Variants in HTR1F observed in about 807,000 individuals in gnomAD.
HTR1F encodes the protein 5-hydroxytryptamine receptor 1F.
A neutral mutation model predicts 24.0 loss-of-function variants in HTR1F; 17 were observed. The ratio of observed to expected loss-of-function variants is 0.71; its 90% CI spans 0.48 to 1.06. The LOEUF is 1.06. Among genes scored for constraint, HTR1F ranks in the 50% least tolerant of loss-of-function variants. HTR1F has a pLI of 0.00. For missense variants in HTR1F, 391 were observed against 427.8 expected (o/e 0.91, Z 0.76); for synonymous variants, 186 against 156.8 (o/e 1.19, Z -1.39).
chr3:87,910,769 A>C (rs1559627867), intron 2 of HTR1F, among the ~76,000 whole-genome samples: 1 of 152,032 alleles, frequency 6.6e-6, no homozygotes, highest in Non-Finnish European at 1.5e-5. Context: ...CATGCTAAAC[A>C]TACTCTTGGA....
At position 87,992,739 on chromosome 3, in the gene HTR1F, TAA is replaced by T. The variant is rs1233406341; in HGVS notation, c.*890_*891del. On this transcript the variant is annotated 3_prime_UTR_variant, in exon 3 of 3. Transcript: ENST00000319595. Reference sequence around the variant, plus strand: ...ATAAAATGTATTTCATTTCTGTTAATAAGCTCAGTTATTAACTAAATTGTCTG... The same window carrying T: ...ATAAAATGTATTTCATTTCTGTTAATGCTCAGTTATTAACTAAATTGTCTG... 6 of 167,118 alleles carry T rather than the reference TAA, an allele frequency of 3.6e-5. No homozygotes were observed. In the South Asian group the frequency reaches 1.2e-3, roughly 35 times the overall value. 10.4% of individuals were successfully genotyped at this position (167,118 alleles called of 1,614,324 possible). A position where few individuals can be genotyped will look rare whatever the true frequency, so the allele number is the denominator to read the frequency against.
intron 2 of HTR1F, among the ~76,000 whole-genome samples, chr3:87,918,221 C>A (rs72913770): frequency 0.18 from 27,180 of 151,744 alleles, 2,653 homozygotes; most frequent in African/African-American, 0.27. Context: ...GGACATACGT[C>A]AATATAATAA....
At chr3:87,920,947 TCTGA>T (rs1364687389) in intron 2 of HTR1F, among the ~76,000 whole-genome samples, 2 of 152,086 alleles carry the variant, frequency 1.3e-5, no homozygotes, top group African/African-American at 2.4e-5. Context: ...CCTCTTTCTT[TCTGA>T]CTATCCTTTC....
chr3:87,973,453 C>G lies in HTR1F; in HGVS notation c.-42-17255C>G, dbSNP rs117959651. Among the ~76,000 whole-genome samples, 187 of 152,302 alleles carry G rather than the reference C, an allele frequency of 1.2e-3. 2 individuals carry two copies. In the East Asian group the frequency reaches 0.027, roughly 22 times the overall value. ...TGACTCAATAAACTCATTATTCAAG[C>G]CTAGCTTAAATTTAAAACTCCAGTG... is the stretch of plus-strand genomic sequence containing the variant. On this transcript the variant is annotated intron_variant, in intron 2 of 2. Coordinates refer to ENST00000319595, the MANE Select transcript of HTR1F (RefSeq NM_001322209.2).
At chr3:87,912,805 C>A (rs1402908675) in intron 2 of HTR1F, among the ~76,000 whole-genome samples, 2 of 152,096 alleles carry the variant, frequency 1.3e-5, no homozygotes, top group Non-Finnish European at 2.9e-5. Context: ...ATCATCTGAT[C>A]TTTGACAAAG....
At chr3:87,854,031 T>C (rs1705148247) in intron 2 of HTR1F, among the ~76,000 whole-genome samples, 2 of 152,054 alleles carry the variant, frequency 1.3e-5, no homozygotes. Context: ...ATCTATGTTA[T>C]CCTGGTACCT....
chr3:87,926,140 T>A (rs1704122173), intron 2 of HTR1F, among the ~76,000 whole-genome samples: 1 of 152,196 alleles, frequency 6.6e-6, no homozygotes, highest in African/African-American at 2.4e-5. Flanking sequence ...TTCACATGCT[T>A]TTGACATTAC....
intron 2 of HTR1F, among the ~76,000 whole-genome samples, chr3:87,963,064 A>T (rs1292070646): frequency 3.3e-5 from 5 of 152,092 alleles, no homozygotes; most frequent in Non-Finnish European, 7.4e-5. Context: ...TTATACTCTG[A>T]TAATGATATT....
At chr3:87,962,303 A>G (rs1164172358) in intron 2 of HTR1F, among the ~76,000 whole-genome samples, 2 of 152,154 alleles carry the variant, frequency 1.3e-5, no homozygotes, top group African/African-American at 4.8e-5. Context: ...CATGAACTGC[A>G]TAGAGAAATA....
At chr3:87,866,809 A>G (rs1559611450) in intron 2 of HTR1F, among the ~76,000 whole-genome samples, 1 of 128,374 alleles carries the variant, frequency 7.8e-6, no homozygotes, top group African/African-American at 3.7e-5. Context: ...CATGGGCACA[A>G]GTGTGCGTGC....
At chr3:87,923,244 G>C (rs1400640591) in intron 2 of HTR1F, among the ~76,000 whole-genome samples, 1 of 151,964 alleles carries the variant, frequency 6.6e-6, no homozygotes, top group Non-Finnish European at 1.5e-5. Context: ...TTAGCCATTT[G>C]AAGTCTTTTG....
chr3:87,919,018 A>G (rs1023751066), intron 2 of HTR1F, among the ~76,000 whole-genome samples: 3 of 152,126 alleles, frequency 2.0e-5, no homozygotes, highest in Non-Finnish European at 4.4e-5. Flanking sequence ...GTACTGGTAT[A>G]AAAATAGGCA....
At chr3:87,822,279 A>T (rs373603886) in intron 2 of HTR1F, among the ~76,000 whole-genome samples, 155 bp downstream of exon 2, 52 of 152,328 alleles carry the variant, frequency 3.4e-4, no homozygotes, top group African/African-American at 1.1e-3. Flanking sequence ...GCCACTGATC[A>T]TTGGTTCACT....
intron 2 of HTR1F, among the ~76,000 whole-genome samples, chr3:87,854,281 G>C (rs1020003420): frequency 3.3e-5 from 5 of 151,550 alleles, no homozygotes; most frequent in Non-Finnish European, 7.4e-5. Flanking sequence ...TTGATTTTCT[G>C]TTTTCTTGAA....
chr3:87,952,134 T>C (rs1337598954), intron 2 of HTR1F, among the ~76,000 whole-genome samples: 2 of 152,002 alleles, frequency 1.3e-5, no homozygotes, highest in East Asian at 1.9e-4. Flanking sequence ...TCAAGTTGAG[T>C]CCTGATATCA....
chr3:87,802,276 C>T (rs1225112653), intron 1 of HTR1F, among the ~76,000 whole-genome samples: 1 of 93,290 alleles, frequency 1.1e-5, no homozygotes, highest in East Asian at 2.9e-4. Context: ...CTTTCCTTCC[C>T]TTCTTCCCTC....
chr3:87,805,283 G>A (rs1310513394), intron 1 of HTR1F, among the ~76,000 whole-genome samples: 1 of 151,544 alleles, frequency 6.6e-6, no homozygotes, highest in African/African-American at 2.4e-5. Context: ...GGTCAATTTT[G>A]TGAGATAGCA....
intron 2 of HTR1F, among the ~76,000 whole-genome samples, chr3:87,940,729 C>A (rs928159012): frequency 5.3e-5 from 8 of 152,188 alleles, no homozygotes; most frequent in African/African-American, 1.7e-4. Context: ...AACTGTACTA[C>A]AAGGCTGCAG....
chr3:87,900,841 T>C (rs1348970290), intron 2 of HTR1F, among the ~76,000 whole-genome samples: 5 of 152,122 alleles, frequency 3.3e-5, no homozygotes, highest in Non-Finnish European at 5.9e-5. Flanking sequence ...AAATTTGTTT[T>C]TGGACATGTT....
Sources: gnomAD v4.1 joint callset for allele counts (sites outside exome capture counted in the v4.1 genomes callset) on GRCh38, gnomAD v4.1.1 for gene constraint, MANE v1.5 for transcripts, NCBI Gene and HGNC (gene_info 2026-07-23, HGNC 2026-07-21) for gene names.